The following TNNI3K variants were observed in gnomAD, a reference collection of about 807,000 sequenced individuals.
The protein encoded by TNNI3K is serine/threonine-protein kinase TNNI3K.
TNNI3K carries 140 observed loss-of-function variants against 114.5 expected under a neutral mutation model. The observed-to-expected ratio is 1.22, with a 90% CI of 1.07 to 1.41. TNNI3K has a LOEUF of 1.41. TNNI3K is among the 40% of genes most tolerant of loss of function. TNNI3K has a pLI of 0.00. For synonymous variants in TNNI3K, 347 were observed against 347.5 expected (o/e 1.00, Z 0.02); for missense variants, 1,125 against 1,007.6 (o/e 1.12, Z -1.58).
chr1:74,285,731 C>T (rs570598256), intron 5 of TNNI3K, among the ~76,000 whole-genome samples: 78 of 152,184 alleles, frequency 5.1e-4, no homozygotes, highest in African/African-American at 1.6e-3. Flanking sequence ...AATAATTATT[C>T]AAGTGTTTTA....
At chr1:74,467,104 T>C (rs1297169802) in intron 21 of TNNI3K, among the ~76,000 whole-genome samples, 1 of 152,156 alleles carries the variant, frequency 6.6e-6, no homozygotes, top group Non-Finnish European at 1.5e-5. Context: ...ACAGTAGTTT[T>C]CTGAAAGAAG....
intron 17 of TNNI3K, among the ~76,000 whole-genome samples, chr1:74,408,529 C>T (rs1664728119): frequency 6.6e-6 from 1 of 152,144 alleles, no homozygotes; most frequent in Admixed American, 6.5e-5. Flanking sequence ...TTTTGTCAGG[C>T]TTGTGTTCTG....
At chr1:74,516,618 G>T (rs915760611) in intron 23 of TNNI3K, among the ~76,000 whole-genome samples, 2 of 152,154 alleles carry the variant, frequency 1.3e-5, no homozygotes, top group Non-Finnish European at 2.9e-5. Flanking sequence ...GTGGGACCTT[G>T]CTACTATGGG....
intron 17 of TNNI3K, chr1:74,378,629 T>TATAAA (rs1553138860): frequency 1.5e-4 from 20 of 135,788 alleles, no homozygotes; most frequent in African/African-American, 5.5e-4. Flanking sequence ...TATATATATA[T>TATAAA]ATATATATAT....
At chr1:74,375,054 T>C (rs904728907) in intron 17 of TNNI3K, 1 of 151,436 alleles carries the variant, frequency 6.6e-6, no homozygotes, top group African/African-American at 2.5e-5. Context: ...AGGAATTAAA[T>C]AGTGATAACC....
intron 5 of TNNI3K, among the ~76,000 whole-genome samples, chr1:74,284,232 A>T (rs1657190521): frequency 6.6e-6 from 1 of 152,174 alleles, no homozygotes; most frequent in Admixed American, 6.5e-5. Context: ...GCCTTTGAGT[A>T]TTGGATATTC....
intron 21 of TNNI3K, among the ~76,000 whole-genome samples, chr1:74,484,797 G>A (rs1668669229): frequency 6.6e-6 from 1 of 152,108 alleles, no homozygotes; most frequent in Non-Finnish European, 1.5e-5. Context: ...AAATAACATG[G>A]GAAGTAATTG....
chr1:74,335,286 C>T (rs999497880), intron 6 of TNNI3K, among the ~76,000 whole-genome samples: 6 of 152,068 alleles, frequency 3.9e-5, no homozygotes, highest in East Asian at 1.9e-4. Context: ...ATTCTAGATT[C>T]GAATCTAGGA....
intron 11 of TNNI3K, among the ~76,000 whole-genome samples, chr1:74,366,931 G>C (rs2100513956): frequency 6.6e-6 from 1 of 151,830 alleles, no homozygotes; most frequent in East Asian, 1.9e-4. Flanking sequence ...ACTTAGTATT[G>C]CCTTATTTAG....
chr1:74,259,070 T>A (rs988529382), intron 4 of TNNI3K, among the ~76,000 whole-genome samples: 3 of 152,222 alleles, frequency 2.0e-5, no homozygotes, highest in Non-Finnish European at 4.4e-5. Context: ...CCAGCCCTAT[T>A]CAACCAGTAC....
intron 5 of TNNI3K, among the ~76,000 whole-genome samples, chr1:74,278,096 A>C (rs537911922): frequency 5.3e-5 from 8 of 150,618 alleles, no homozygotes; most frequent in African/African-American, 2.0e-4. Flanking sequence ...CAAAGGCACA[A>C]ATGACAGAAT....
chr1:74,434,339 G>A (rs1666027931), intron 17 of TNNI3K, among the ~76,000 whole-genome samples: 1 of 151,828 alleles, frequency 6.6e-6, no homozygotes, highest in African/African-American at 2.4e-5. Flanking sequence ...CTTGCCCTTT[G>A]CCAAGATCTT....
intron 20 of TNNI3K, among the ~76,000 whole-genome samples, chr1:74,453,929 G>A (rs546599619): frequency 1.3e-5 from 2 of 152,106 alleles, no homozygotes; most frequent in Non-Finnish European, 2.9e-5. Context: ...ATTTTTTAAT[G>A]TTGGCAATTA....
chr1:74,433,055 T>C (rs1054932198), intron 17 of TNNI3K, among the ~76,000 whole-genome samples: 2 of 151,882 alleles, frequency 1.3e-5, no homozygotes, highest in Admixed American at 6.6e-5. Context: ...TCAATTTTAC[T>C]CCCTTCTCTC....
At chr1:74,464,502 C>T (rs780685327) in intron 21 of TNNI3K, 1 of 1,391,906 alleles carries the variant, frequency 7.2e-7, no homozygotes, top group African/African-American at 1.5e-5. Context: ...CCTTCCTAGG[C>T]ACTTTATAGC....
chr1:74,456,088 G>A (rs924755212), intron 20 of TNNI3K, among the ~76,000 whole-genome samples: 1 of 152,204 alleles, frequency 6.6e-6, no homozygotes, highest in Non-Finnish European at 1.5e-5. Context: ...CTGGACTGGA[G>A]AAATTCAAAA....
At chr1:74,391,761 T>C (rs1285567063) in intron 17 of TNNI3K, among the ~76,000 whole-genome samples, 3 of 151,378 alleles carry the variant, frequency 2.0e-5, no homozygotes, top group African/African-American at 7.3e-5. Flanking sequence ...GACAGAGGAG[T>C]GGGTGCTCTC....
intron 17 of TNNI3K, among the ~76,000 whole-genome samples, chr1:74,429,740 G>T (rs1026415375): frequency 6.6e-6 from 1 of 152,102 alleles, no homozygotes; most frequent in Non-Finnish European, 1.5e-5. Context: ...GTAAACTAAT[G>T]ACTTTCACAG....
At chr1:74,410,421 A>G (rs763160469) in intron 17 of TNNI3K, among the ~76,000 whole-genome samples, 4 of 152,318 alleles carry the variant, frequency 2.6e-5, no homozygotes, top group Admixed American at 2.0e-4. Context: ...CCACTACTCC[A>G]GGCTCCCTCA....
Sources: allele counts gnomAD v4.1 joint callset (sites outside exome capture counted in the v4.1 genomes callset), GRCh38; gene constraint gnomAD v4.1.1; transcripts MANE v1.5; gene names NCBI Gene and HGNC (gene_info 2026-07-23, HGNC 2026-07-21).